Variants in HDAC11 observed in about 807,000 individuals in gnomAD.
HDAC11 encodes the protein histone deacetylase 11.
In HDAC11, 23 loss-of-function variants were observed where a neutral mutation model predicts 41.1. The ratio of observed to expected loss-of-function variants is 0.56; its 90% confidence interval spans 0.40 to 0.79. The LOEUF (loss-of-function observed/expected upper bound fraction) is 0.79, where lower values mean the gene tolerates loss of function less well. HDAC11 is among the 30% of genes least tolerant of loss of function. The pLI, the probability that HDAC11 is intolerant of heterozygous loss-of-function variation, is 0.00. For synonymous variants in HDAC11, 187 were observed against 186.6 expected, an observed-to-expected ratio of 1.00 and a Z score of -0.02; for missense variants, 402 against 477.3, an observed-to-expected ratio of 0.84 and a Z score of 1.47.
At position 13,504,733 on chromosome 3, in the gene HDAC11, C is replaced by T; in HGVS notation, c.*50C>T. 6.5e-7 allele frequency: 1 copy of T among 1,529,480 alleles called. No homozygotes were observed. The highest frequency in any genetic ancestry group is 9.0e-7 in the Non-Finnish European group (1 of 1,106,440). 94.7% of individuals were successfully genotyped at this position (1,529,480 alleles called of 1,614,324 possible). A position where few individuals can be genotyped will look rare whatever the true frequency, so the allele number is the denominator to read the frequency against. ...GGCCCTGCCTATCCGCCCCTTAGTG[C>T]TTTTTGTTTTCTAACCTCATGGGGT... On this transcript the variant is annotated 3_prime_UTR_variant, in exon 10 of 10. Transcript: ENST00000295757.
intron 3 of HDAC11, among the ~76,000 whole-genome samples, chr3:13,493,606 A>G (rs1574901635): frequency 6.6e-6 from 1 of 152,382 alleles, no homozygotes; most frequent in South Asian, 2.1e-4. Flanking sequence ...ACTGGATTGG[A>G]TGGTGCTGGT....
rs753757977 is a variant in HDAC11 at position 13,502,553 on chromosome 3, A to G, written c.553-331A>G. 27 of 235,392 alleles carry G rather than the reference A, an allele frequency of 1.1e-4. No individual in the cohort carries two copies. The highest frequency in any genetic ancestry group is 5.0e-5 in the Non-Finnish European group (6 of 119,672). 14.6% of individuals were successfully genotyped at this position (235,392 alleles called of 1,614,324 possible). A position where few individuals can be genotyped will look rare whatever the true frequency, so the allele number is the denominator to read the frequency against. On this transcript the variant is annotated intron_variant, in intron 7 of 9. Transcript: ENST00000295757. The surrounding 1 kb of genome is among the most constrained non-coding windows in gnomAD (Gnocchi z 4.1). Reference sequence around the variant, plus strand: ...CGACCCCGAACTCCTGAGCCAGGTCACATGTGGACAGTCCTTTACAGTTTG... The same window carrying G: ...CGACCCCGAACTCCTGAGCCAGGTCGCATGTGGACAGTCCTTTACAGTTTG...
Position 13,502,883 on chromosome 3 carries a change from G to T in HDAC11, c.553-1G>T. Reference sequence around the variant, plus strand: ...GAGCGGCTACTGTGACCTCCCCACAGGGCAATGGGCATGAGCGAGACTTCA... The same window carrying T: ...GAGCGGCTACTGTGACCTCCCCACATGGCAATGGGCATGAGCGAGACTTCA... On this transcript the variant is annotated splice_acceptor_variant, in intron 7 of 9. Coordinates refer to ENST00000295757, the MANE Select transcript of HDAC11 (RefSeq NM_024827.4). LOFTEE classifies it high-confidence loss of function. The surrounding 1 kb of genome is among the most constrained non-coding windows in gnomAD (Gnocchi z 4.1). The T allele has an allele frequency of 6.2e-7, 1 of 1,613,050 alleles. No homozygotes were observed. The highest frequency in any genetic ancestry group is 1.1e-5 in the South Asian group (1 of 91,056).
chr3:13,487,803 G>T (rs1701665175), intron 3 of HDAC11, among the ~76,000 whole-genome samples: 1 of 152,300 alleles, frequency 6.6e-6, no homozygotes, highest in South Asian at 2.1e-4. Flanking sequence ...TCCTGCTGGA[G>T]CTGGCATTTA....
chr3:13,499,261 C>T (rs1213120274), intron 5 of HDAC11, among the ~76,000 whole-genome samples: 1 of 151,054 alleles, frequency 6.6e-6, no homozygotes, highest in Non-Finnish European at 1.5e-5. Flanking sequence ...CCTCCGCCTC[C>T]CAGGTTCAAA....
chr3:13,485,506 T>TG (rs1420130195), intron 3 of HDAC11, among the ~76,000 whole-genome samples: 2 of 151,952 alleles, frequency 1.3e-5, no homozygotes, highest in African/African-American at 4.8e-5. Context: ...AGGCTGGGGG[T>TG]GGGGGGCCTA....
At position 13,504,622 on chromosome 3, in the gene HDAC11, A is replaced by T; in HGVS notation, c.983A>T (p.Glu328Val). The T allele has an allele frequency of 6.2e-7, 1 of 1,613,810 alleles. No homozygotes were observed. Among genetic ancestry groups the T allele is most frequent in the Non-Finnish European group, 8.5e-7 (1 of 1,180,022 alleles). ...NLFGLGLIGP[E>V]SPSVSAQNSD... ...TTTGGCCTGGGGCTCATTGGGCCTG[A>T]GTCACCCAGCGTCTCCGCACAGAAC... Residue 328 changes from glutamate (E) to valine (V), a missense_variant, in exon 10 of 10, where the codon GAG (glutamate) becomes GTG (valine). Physicochemically the swap from Glu to Val is moderately radical, Grantham distance 121. Coordinates refer to ENST00000295757, the MANE Select transcript of HDAC11 (RefSeq NM_024827.4).
chr3:13,484,398 G>A (rs561309071), intron 3 of HDAC11, among the ~76,000 whole-genome samples: 4 of 152,346 alleles, frequency 2.6e-5, no homozygotes, highest in Admixed American at 6.5e-5. Flanking sequence ...TGGGAGGGCC[G>A]GTGGTAGAGT....
chr3:13,484,710 A>G (rs974652759), intron 3 of HDAC11, among the ~76,000 whole-genome samples: 1 of 152,134 alleles, frequency 6.6e-6, no homozygotes, highest in Admixed American at 6.5e-5. Context: ...TTAATGTGGC[A>G]CTCATTATAA....
chr3:13,483,687 C>T, intron 3 of HDAC11, 123 bp downstream of exon 3: 3 of 712,580 alleles, frequency 4.2e-6, no homozygotes, highest in Non-Finnish European at 7.5e-6. Context: ...CCATTCATGT[C>T]CCTAGTGTTG....
At chr3:13,490,075 C>A (rs988983211) in intron 3 of HDAC11, among the ~76,000 whole-genome samples, 1 of 151,840 alleles carries the variant, frequency 6.6e-6, no homozygotes, top group Non-Finnish European at 1.5e-5. Flanking sequence ...CTCACTGCAA[C>A]CTCCGCCTTC....
At chr3:13,500,305 A>ATGACCAGCAGAGGGTGCCCTTCC (rs1190133786) in intron 5 of HDAC11, among the ~76,000 whole-genome samples, 4 of 152,076 alleles carry the variant, frequency 2.6e-5, no homozygotes, top group Non-Finnish European at 5.9e-5. Flanking sequence ...GTAGGCAGTC[A>ATGACCAGCAGAGGGTGCCCTTCC]TGACCAGCAG....
intron 3 of HDAC11, among the ~76,000 whole-genome samples, chr3:13,488,119 G>C (rs1184491446): frequency 6.6e-6 from 1 of 151,728 alleles, no homozygotes; most frequent in Non-Finnish European, 1.5e-5. Context: ...AGTGTGGAGA[G>C]AAGGAGACAC....
At chr3:13,498,937 G>A (rs960806496) in intron 5 of HDAC11, among the ~76,000 whole-genome samples, 1 of 152,054 alleles carries the variant, frequency 6.6e-6, no homozygotes, top group Non-Finnish European at 1.5e-5. Flanking sequence ...CTCCACCTGT[G>A]TCCTGGGGCC....
At chr3:13,500,937 C>T (rs908828410) in intron 6 of HDAC11, 148 bp downstream of exon 6, 5 of 600,022 alleles carry the variant, frequency 8.3e-6, no homozygotes, top group Non-Finnish European at 1.1e-5. Context: ...CTCAGCCAGG[C>T]TGGAACTGAA....
intron 4 of HDAC11, among the ~76,000 whole-genome samples, chr3:13,497,083 G>T (rs542577840): frequency 6.6e-6 from 1 of 151,964 alleles, no homozygotes; most frequent in Admixed American, 6.6e-5. Context: ...ATTTGTTACC[G>T]TAATTGCTAG....
intron 4 of HDAC11, among the ~76,000 whole-genome samples, chr3:13,497,325 T>G (rs187585738): frequency 2.3e-3 from 352 of 151,988 alleles, no homozygotes; most frequent in African/African-American, 8.0e-3. Flanking sequence ...ACTACAGGTG[T>G]TCGCCACCAT....
chr3:13,495,600 T>G (rs1202553613), intron 3 of HDAC11, among the ~76,000 whole-genome samples: 1 of 152,210 alleles, frequency 6.6e-6, no homozygotes, highest in Non-Finnish European at 1.5e-5. Context: ...TTGGTTCTCC[T>G]TGCTGCAGCT....
intron 2 of HDAC11, among the ~76,000 whole-genome samples, chr3:13,483,135 ACT>A (rs1464549271): frequency 1.3e-5 from 2 of 150,904 alleles, no homozygotes; most frequent in Non-Finnish European, 2.9e-5. Context: ...AGTTTTTCTC[ACT>A]CTGAGGGTCA....
Sources: allele counts gnomAD v4.1 joint callset (sites outside exome capture counted in the v4.1 genomes callset), GRCh38; gene constraint gnomAD v4.1.1; non-coding constraint Gnocchi (gnomAD v3.1); transcripts MANE v1.5; gene names NCBI Gene and HGNC (gene_info 2026-07-23, HGNC 2026-07-21).